The following UBR3 variants were observed in gnomAD, a reference collection of about 807,000 sequenced individuals.
UBR3 encodes ubiquitin protein ligase E3 component n-recognin 3, also known as E3 ubiquitin-protein ligase UBR3.
A neutral mutation model predicts 243.2 loss-of-function variants in UBR3; 85 were observed. The ratio of observed to expected loss-of-function variants is 0.35; its 90% confidence interval spans 0.29 to 0.42. The LOEUF is 0.42. Among genes scored for constraint, UBR3 ranks in the 10% least tolerant of loss-of-function variants. UBR3 has a pLI of 1.00. For synonymous variants in UBR3, 748 were observed against 799.8 expected (o/e 0.94, Z 1.09); for missense variants, 1,686 against 2,300.8 (o/e 0.73, Z 5.47).
rs2081790389 is a variant in UBR3 at position 169,827,741 on chromosome 2, A to C, written c.234A>C (p.Gly78=). 8.1e-7 allele frequency: 1 copy of C among 1,240,172 alleles called. No individual in the cohort carries two copies. Among genetic ancestry groups the C allele is most frequent in the South Asian group, 4.0e-5 (1 of 25,270 alleles). 76.8% of individuals were successfully genotyped at this position (1,240,172 alleles called of 1,614,324 possible). Residue 78 remains glycine (G), a synonymous_variant, in exon 1 of 39, where the codon GGA becomes GGC. Coordinates refer to ENST00000272793, the MANE Select transcript of UBR3 (RefSeq NM_172070.4). ...AAGGEDAAAA[G]GGGGPGAAEE... is the part of the protein sequence containing the mutation. ...GCGGCGAGGACGCGGCGGCGGCCGG[A>C]GGCGGGGGCGGTCCGGGGGCGGCCG...
At chr2:169,865,877 C>T (rs935512436) in intron 1 of UBR3, among the ~76,000 whole-genome samples, 1 of 152,196 alleles carries the variant, frequency 6.6e-6, no homozygotes. Flanking sequence ...AGGCTGGGCA[C>T]GGTGGCTAAC....
intron 38 of UBR3, 91 bp from the exon 39 acceptor site, chr2:170,081,635 C>A (rs13432971): frequency 4.7e-4 from 456 of 972,374 alleles, no homozygotes; most frequent in Non-Finnish European, 6.2e-4. Flanking sequence ...GGTTGCACTG[C>A]GAGAGACTGT....
At position 169,996,638 on chromosome 2, in the gene UBR3, G is replaced by A. The variant is rs141455862; in HGVS notation, c.3918+2182G>A. Among the ~76,000 whole-genome samples the A allele has an allele frequency of 4.3e-3, 641 of 150,052 alleles. 13 individuals carry two copies. The highest frequency in any genetic ancestry group is 0.033 in the Admixed American group (497 of 15,092). On this transcript the variant is annotated intron_variant, in intron 26 of 38. Coordinates refer to ENST00000272793, the MANE Select transcript of UBR3 (RefSeq NM_172070.4). ...TGTGTGTGTGTATAAATACACGTAT[G>A]TGTGTACACATATTTTCACACTTTT...
Position 170,015,048 on chromosome 2 carries a change from G to A in UBR3, c.4368-233G>A, listed in dbSNP as rs184752115. 3 of 354,816 alleles carry A rather than the reference G, an allele frequency of 8.5e-6. No homozygotes were observed. The Admixed American group carries it at 1.3e-4, about 16-fold the overall frequency. 22.0% of individuals were successfully genotyped at this position (354,816 alleles called of 1,614,324 possible). On this transcript the variant is annotated intron_variant, in intron 29 of 38. Transcript: ENST00000272793. ...CTTTGCAACAATTACACCATGATGTGTGCAATTTTTTGCAGGTGTAAATAT... is the reference window on the plus strand; with the variant it reads ...CTTTGCAACAATTACACCATGATGTATGCAATTTTTTGCAGGTGTAAATAT...
At chr2:169,855,970 C>A (rs1338842866) in intron 1 of UBR3, among the ~76,000 whole-genome samples, 1 of 148,948 alleles carries the variant, frequency 6.7e-6, no homozygotes, top group Non-Finnish European at 1.5e-5. Flanking sequence ...GCTGGCCGGG[C>A]GGGGGCTGCC....
At chr2:169,860,311 T>A (rs1246175065) in intron 1 of UBR3, among the ~76,000 whole-genome samples, 3 of 152,186 alleles carry the variant, frequency 2.0e-5, no homozygotes, top group African/African-American at 7.2e-5. Context: ...TTAGTGAGGG[T>A]TGGATTTTGT....
chr2:169,895,307 A>G lies in UBR3; in HGVS notation c.1232A>G (p.Tyr411Cys). 6.5e-7 allele frequency: 1 copy of G among 1,537,512 alleles called. No individual in the cohort carries two copies. Among genetic ancestry groups the G allele is most frequent in the Non-Finnish European group, 8.7e-7 (1 of 1,143,746 alleles). ...CTCAACATGCTTCCAGATCAAGAGT[A>G]TAAGGTATCTATATATTTTCCTGCT... Reference protein sequence around the residue: ...FLLNMLPDQEYKVAFTKTFVQ... With the variant: ...FLLNMLPDQECKVAFTKTFVQ... The change falls in exon 7 of 39, where the codon TAT becomes TGT. Residue 411 changes from tyrosine to cysteine, a missense_variant. This residue lies in a region of UBR3 where 200 missense variants were observed against 231.6 expected (regional missense o/e 0.86). Transcript: ENST00000272793.
At chr2:169,903,595 G>A (rs1025629447) in intron 8 of UBR3, among the ~76,000 whole-genome samples, 3 of 152,082 alleles carry the variant, frequency 2.0e-5, no homozygotes, top group Non-Finnish European at 4.4e-5. Flanking sequence ...TTTAATATTT[G>A]GTAAAATAAT....
intron 18 of UBR3, among the ~76,000 whole-genome samples, chr2:169,929,523 A>C (rs12994279): frequency 0.47 from 70,986 of 151,800 alleles, 18,505 homozygotes; most frequent in Non-Finnish European, 0.6. Flanking sequence ...TTATAGTGAG[A>C]CCCTATCGTG....
At chr2:169,842,933 T>C (rs1406582843) in intron 1 of UBR3, among the ~76,000 whole-genome samples, 2 of 152,266 alleles carry the variant, frequency 1.3e-5, no homozygotes, top group Non-Finnish European at 1.5e-5. Context: ...TCTGATACGA[T>C]ATTCCTCATT....
At chr2:169,899,859 C>A (rs2084747255) in intron 8 of UBR3, among the ~76,000 whole-genome samples, 2 of 152,176 alleles carry the variant, frequency 1.3e-5, no homozygotes, top group African/African-American at 4.8e-5. Context: ...AATAGTATTC[C>A]ATGGTGTATA....
intron 1 of UBR3, among the ~76,000 whole-genome samples, chr2:169,863,419 A>T (rs1406537456): frequency 6.6e-6 from 1 of 152,150 alleles, no homozygotes; most frequent in Non-Finnish European, 1.5e-5. Flanking sequence ...AAATTTAGAG[A>T]AGTCATTTTG....
rs1263874629 is a variant in UBR3 at position 169,927,363 on chromosome 2, G to A, written c.2382G>A (p.Gln794=). The A allele has an allele frequency of 6.4e-7, 1 of 1,550,902 alleles. No homozygotes were observed. Among genetic ancestry groups the A allele is most frequent in the African/African-American group, 1.4e-5 (1 of 73,026 alleles). ...TTCTCAGGGCCGAGATGGTAGCCCAGCTGTGTATGAATGACAGGACACACA... is the reference window on the plus strand; with the variant it reads ...TTCTCAGGGCCGAGATGGTAGCCCAACTGTGTATGAATGACAGGACACACA... ...DEILRAEMVA[Q]LCMNDRTHSS... is the part of the protein sequence containing the mutation. The change falls in exon 17 of 39, where the codon CAG becomes CAA. Residue 794 remains glutamine, a synonymous_variant. Coordinates refer to ENST00000272793, the MANE Select transcript of UBR3 (RefSeq NM_172070.4).
At chr2:169,864,055 T>G (rs1028483092) in intron 1 of UBR3, among the ~76,000 whole-genome samples, 13 of 151,144 alleles carry the variant, frequency 8.6e-5, no homozygotes, top group African/African-American at 3.2e-4. Flanking sequence ...TTTCTTTTCT[T>G]TTTTTTTTGA....
At chr2:169,859,894 T>A (rs2083028660) in intron 1 of UBR3, among the ~76,000 whole-genome samples, 1 of 152,030 alleles carries the variant, frequency 6.6e-6, no homozygotes, top group Admixed American at 6.6e-5. Context: ...TTTTTGTATT[T>A]TTTTAGTGGA....
chr2:169,967,230 G>GCC (rs371643711), intron 24 of UBR3, among the ~76,000 whole-genome samples: 8 of 131,978 alleles, frequency 6.1e-5, no homozygotes, highest in Middle Eastern at 3.8e-3. Flanking sequence ...AGGAGAGTAT[G>GCC]CCCCCCCCAC....
chr2:169,882,866 GTCTT>G (rs1228124080), intron 5 of UBR3, among the ~76,000 whole-genome samples: 3 of 152,076 alleles, frequency 2.0e-5, no homozygotes, highest in Non-Finnish European at 2.9e-5. Flanking sequence ...AATTCATCTT[GTCTT>G]TCTTATTTAT....
intron 38 of UBR3, 134 bp from the exon 39 acceptor site, chr2:170,081,592 A>C: frequency 2.0e-6 from 1 of 509,574 alleles, no homozygotes; most frequent in Non-Finnish European, 3.4e-6. Context: ...CGAGAGGCTG[A>C]GACAGGAGAA....
intron 26 of UBR3, among the ~76,000 whole-genome samples, chr2:170,001,090 T>A (rs1250487090): frequency 6.6e-6 from 1 of 152,208 alleles, no homozygotes. Flanking sequence ...ATTATGAGTA[T>A]AGAAGTTTGG....
Sources: allele counts gnomAD v4.1 joint callset (sites outside exome capture counted in the v4.1 genomes callset), GRCh38; gene constraint gnomAD v4.1.1; regional missense constraint gnomAD v4.1.1; transcripts MANE v1.5; gene names NCBI Gene and HGNC (gene_info 2026-07-23, HGNC 2026-07-21).